The following JMJD1C variants were observed in gnomAD, a reference collection of about 807,000 sequenced individuals.
JMJD1C encodes jumonji domain-containing protein 1C.
A neutral mutation model predicts 245.3 loss-of-function variants in JMJD1C; 31 were observed. That is an observed-to-expected ratio of 0.13 (90% CI 0.09 to 0.17). The LOEUF is 0.17. Ranked by LOEUF, JMJD1C falls within the 10% of genes least tolerant of loss-of-function variation. The probability of loss-of-function intolerance (pLI) is 1.00; values close to 1 mark genes in which losing one functional copy is unlikely to be tolerated. For missense variants in JMJD1C, 2,691 were observed against 3,000.2 expected, an observed-to-expected ratio of 0.90 and a Z score of 2.41; for synonymous variants, 1,057 against 1,017.4, an observed-to-expected ratio of 1.04 and a Z score of -0.74.
intron 2 of JMJD1C, among the ~76,000 whole-genome samples, chr10:63,308,235 C>A (rs975612900): frequency 6.6e-6 from 1 of 152,094 alleles, no homozygotes; most frequent in African/African-American, 2.4e-5. Context: ...CGACTCTGCA[C>A]CCAGAATTCT....
chr10:63,355,600 G>A (rs1944769150), intron 2 of JMJD1C, among the ~76,000 whole-genome samples: 1 of 152,062 alleles, frequency 6.6e-6, no homozygotes, highest in Non-Finnish European at 1.5e-5. Context: ...TGTGAAAGAG[G>A]GAACAACAGT....
intron 1 of JMJD1C, among the ~76,000 whole-genome samples, chr10:63,444,418 C>T (rs1026134390): frequency 8.6e-5 from 13 of 150,408 alleles, no homozygotes; most frequent in Non-Finnish European, 1.6e-4. Context: ...GGATTACAGG[C>T]GCATGCCACC....
chr10:63,239,620 T>C (rs1197241149), intron 3 of JMJD1C, among the ~76,000 whole-genome samples: 1 of 152,136 alleles, frequency 6.6e-6, no homozygotes, highest in Admixed American at 6.5e-5. Context: ...AATTTTTGTA[T>C]TTTTAGTAGA....
chr10:63,291,542 G>A (rs534375065), intron 2 of JMJD1C, among the ~76,000 whole-genome samples: 39 of 151,566 alleles, frequency 2.6e-4, no homozygotes, highest in African/African-American at 7.5e-4. Context: ...TTGAACCCGC[G>A]AGGCAGAGGT....
intron 5 of JMJD1C, 145 bp downstream of exon 5, chr10:63,217,062 C>T (rs902181922): frequency 1.7e-5 from 11 of 656,542 alleles, no homozygotes; most frequent in Non-Finnish European, 2.5e-5. Flanking sequence ...TATGTAATAT[C>T]AGATACATTT....
intron 2 of JMJD1C, among the ~76,000 whole-genome samples, chr10:63,352,227 C>T (rs1305477041): frequency 6.6e-6 from 1 of 151,818 alleles, no homozygotes; most frequent in African/African-American, 2.4e-5. Flanking sequence ...ATTAAATGAG[C>T]AAGTAAAATT....
At chr10:63,370,287 A>C (rs1237401054) in intron 2 of JMJD1C, among the ~76,000 whole-genome samples, 1 of 152,226 alleles carries the variant, frequency 6.6e-6, no homozygotes, top group Non-Finnish European at 1.5e-5. Context: ...GGAATGCCTC[A>C]AACTTGAAAC....
intron 1 of JMJD1C, among the ~76,000 whole-genome samples, chr10:63,517,786 CTTTTTTT>C (rs11361305): frequency 6.9e-5 from 5 of 72,544 alleles, no homozygotes; most frequent in Admixed American, 4.8e-4. Flanking sequence ...CTAATGGCCA[CTTTTTTT>C]TTTTTTTTTT....
rs560012068 is a variant in JMJD1C, at chr10:63,353,766, C to T, written c.333+26552G>A. 2.0e-5 allele frequency among the ~76,000 whole-genome samples: 3 copies of T among 152,154 alleles called. No individual in the cohort carries two copies. The East Asian group carries it at 5.8e-4, about 29-fold the overall frequency. ...AAGTGATCTGCCCGCCTCAGCCTCCCAAGCGCTGGGATTACAGGTGTGAGC... is the reference window on the plus strand; with the variant it reads ...AAGTGATCTGCCCGCCTCAGCCTCCTAAGCGCTGGGATTACAGGTGTGAGC... On this transcript the variant is annotated intron_variant, in intron 2 of 25. Coordinates refer to ENST00000399262, the MANE Select transcript of JMJD1C (RefSeq NM_032776.3).
chr10:63,189,497 A>G (rs1844506048), intron 17 of JMJD1C, 51 bp from the exon 18 acceptor site: 1 of 1,493,474 alleles, frequency 6.7e-7, no homozygotes, highest in East Asian at 2.3e-5. Flanking sequence ...GAGAAATCAA[A>G]TACATTTTCC....
chr10:63,188,296 A>C (rs1458385883), intron 18 of JMJD1C, among the ~76,000 whole-genome samples: 1 of 152,244 alleles, frequency 6.6e-6, no homozygotes, highest in East Asian at 1.9e-4. Flanking sequence ...CAAGGCAAAA[A>C]AGACATGCTA....
At chr10:63,344,734 C>CAA (rs201749589) in intron 2 of JMJD1C, among the ~76,000 whole-genome samples, 4 of 149,334 alleles carry the variant, frequency 2.7e-5, no homozygotes, top group East Asian at 3.9e-4. Context: ...AGCATGTCTC[C>CAA]AAAAAAAAAA....
At chr10:63,457,024 G>C (rs1952458510) in intron 1 of JMJD1C, among the ~76,000 whole-genome samples, 1 of 152,064 alleles carries the variant, frequency 6.6e-6, no homozygotes, top group Non-Finnish European at 1.5e-5. Flanking sequence ...CTTGTGTTTT[G>C]TCTGGTAAAA....
rs1020770342 is a variant in JMJD1C, at chr10:63,427,305, G to C, written c.168+38190C>G. 4 of 878,396 alleles carry C rather than the reference G, an allele frequency of 4.6e-6. No individual in the cohort carries two copies. The African/African-American group carries it at 5.1e-5, about 11-fold the overall frequency. The allele number at this position is 878,396 out of a possible 1,614,324, so 54.4% of individuals were successfully genotyped here. A position where few individuals can be genotyped will look rare whatever the true frequency, so the allele number is the denominator to read the frequency against. On this transcript the variant is annotated intron_variant, in intron 1 of 25. Coordinates refer to ENST00000399262, the MANE Select transcript of JMJD1C (RefSeq NM_032776.3). Reference sequence around the variant, plus strand: ...CCACTCCAGCCGGGACGATGGTGAAGTATTTCCTGGGCCAGGGCGTGCTCC... The same window carrying C: ...CCACTCCAGCCGGGACGATGGTGAACTATTTCCTGGGCCAGGGCGTGCTCC...
intron 1 of JMJD1C, among the ~76,000 whole-genome samples, chr10:63,406,910 T>C (rs17813747): frequency 0.066 from 9,993 of 152,146 alleles, 458 homozygotes; most frequent in Non-Finnish European, 0.11. Context: ...TGCTGGATGA[T>C]GAGGATTGTA....
chr10:63,468,761 C>A (rs1186355631), upstream of JMJD1C, among the ~76,000 whole-genome samples: 1 of 152,166 alleles, frequency 6.6e-6, no homozygotes, highest in Non-Finnish European at 1.5e-5. Flanking sequence ...TTAATCTACA[C>A]CAAAGACTGG....
Position 63,213,839 on chromosome 10 carries a change from G to T in JMJD1C, c.2328C>A (p.Thr776=), listed in dbSNP as rs1479746136. 4 of 1,613,946 alleles carry T rather than the reference G, an allele frequency of 2.5e-6. No homozygotes were observed. The highest frequency in any genetic ancestry group is 3.4e-6 in the Non-Finnish European group (4 of 1,179,874). The change falls in exon 8 of 26, where the codon ACC becomes ACA. Residue 776 remains threonine (T), a synonymous_variant. Coordinates refer to ENST00000399262, the MANE Select transcript of JMJD1C (RefSeq NM_032776.3). ...AGSSSQTPLP[T]INTHPLTSGP... is the part of the protein sequence containing the mutation. Reference sequence around the variant, plus strand: ...CACTAGTCAGAGGATGAGTGTTAATGGTAGGTAATGGAGTTTGACTAGATG... The same window carrying T: ...CACTAGTCAGAGGATGAGTGTTAATTGTAGGTAATGGAGTTTGACTAGATG...
At chr10:63,406,610 T>TAC (rs369937720) in intron 1 of JMJD1C, among the ~76,000 whole-genome samples, 3 of 27,408 alleles carry the variant, frequency 1.1e-4, no homozygotes, top group Non-Finnish European at 6.0e-4. Context: ...GGTAGGCTAG[T>TAC]ATAACTAATC....
intron 2 of JMJD1C, among the ~76,000 whole-genome samples, chr10:63,305,079 C>T (rs1937830050): frequency 6.6e-6 from 1 of 152,028 alleles, no homozygotes; most frequent in African/African-American, 2.4e-5. Flanking sequence ...TTAAAAGTTG[C>T]AGTGAGTGGC....
Sources: allele counts gnomAD v4.1 joint callset (sites outside exome capture counted in the v4.1 genomes callset), GRCh38; gene constraint gnomAD v4.1.1; transcripts MANE v1.5; gene names NCBI Gene and HGNC (gene_info 2026-07-23, HGNC 2026-07-21).